Variants in CDH4 observed in about 807,000 individuals in gnomAD.
CDH4 encodes the protein cadherin 4, also known as cadherin-4.
Under a neutral mutation model 86.0 loss-of-function variants are expected in CDH4, and 33 were observed. The observed-to-expected ratio is 0.38, with a 90% CI of 0.29 to 0.51. The LOEUF (loss-of-function observed/expected upper bound fraction) is 0.51. Among genes scored for constraint, CDH4 ranks in the 20% least tolerant of loss-of-function variants. The probability of loss-of-function intolerance (pLI) is 0.86; values close to 1 mark genes in which losing one functional copy is unlikely to be tolerated. For missense variants in CDH4, 1,114 were observed against 1,307.4 expected, an observed-to-expected ratio of 0.85 and a Z score of 2.28; for synonymous variants, 555 against 549.4, an observed-to-expected ratio of 1.01 and a Z score of -0.14.
intron 7 of CDH4, 86 bp from the exon 8 acceptor site, chr20:61,894,824 G>A (rs1440786766): frequency 1.1e-5 from 16 of 1,447,210 alleles, no homozygotes; most frequent in East Asian, 2.3e-5. Flanking sequence ...CTCCGTTCCT[G>A]TAAACGGATT....
At chr20:61,886,732 C>T (rs376905508) in intron 7 of CDH4, among the ~76,000 whole-genome samples, 5 of 152,202 alleles carry the variant, frequency 3.3e-5, no homozygotes, top group Admixed American at 1.3e-4. Flanking sequence ...CACTCACCAG[C>T]CCCTGACCTC....
chr20:61,780,749 C>T (rs1978495875), intron 4 of CDH4, among the ~76,000 whole-genome samples: 3 of 152,190 alleles, frequency 2.0e-5, no homozygotes, highest in Admixed American at 2.0e-4. Flanking sequence ...CTGTTGGGGA[C>T]TCCACGCTCG....
intron 2 of CDH4, among the ~76,000 whole-genome samples, chr20:61,577,780 G>A (rs955783180): frequency 1.3e-5 from 2 of 152,144 alleles, no homozygotes; most frequent in Non-Finnish European, 2.9e-5. Flanking sequence ...GCCCTGGGCA[G>A]CCCCAGGAAA....
intron 4 of CDH4, among the ~76,000 whole-genome samples, chr20:61,837,365 C>G (rs1981928560): frequency 6.6e-6 from 1 of 152,198 alleles, no homozygotes; most frequent in Non-Finnish European, 1.5e-5. Context: ...CCCCTTCCAG[C>G]TTTCAGAGGC....
intron 2 of CDH4, among the ~76,000 whole-genome samples, chr20:61,322,936 G>C (rs2084516599): frequency 6.6e-6 from 1 of 152,124 alleles, no homozygotes; most frequent in African/African-American, 2.4e-5. Context: ...CTGTCAGGAG[G>C]TCTTGTTATC....
intron 2 of CDH4, among the ~76,000 whole-genome samples, chr20:61,299,553 A>G (rs1263767505): frequency 1.3e-5 from 2 of 152,160 alleles, no homozygotes; most frequent in African/African-American, 4.8e-5. Context: ...CTTCTTAGTA[A>G]CTCCCAGAAG....
At chr20:61,279,553 G>A (rs1157496158) in intron 2 of CDH4, among the ~76,000 whole-genome samples, 1 of 152,116 alleles carries the variant, frequency 6.6e-6, no homozygotes, top group Non-Finnish European at 1.5e-5. Context: ...CTGAGTGGGG[G>A]AAGGCTCCTG....
intron 4 of CDH4, among the ~76,000 whole-genome samples, chr20:61,814,457 T>C (rs1980611639): frequency 1.3e-5 from 2 of 152,090 alleles, no homozygotes; most frequent in African/African-American, 2.4e-5. Context: ...TCGACGACGA[T>C]CCCTGCAGAC....
rs558783060 is a variant in CDH4 at position 61,505,138 on chromosome 20, G to A, written c.170-238425G>A. Among the ~76,000 whole-genome samples the A allele has an allele frequency of 6.0e-4, 91 of 152,278 alleles. 1 individual carries two copies. Among genetic ancestry groups the A allele is most frequent in the African/African-American group, 2.0e-3 (83 of 41,558 alleles). ...ATGTCTGGGAAGGGAGGTGGGTGAC[G>A]CAAGCGAGGCTCATTGGGTGGATTT... is the stretch of plus-strand genomic sequence containing the variant. On this transcript the variant is annotated intron_variant, in intron 2 of 15. Coordinates refer to ENST00000614565, the MANE Select transcript of CDH4 (RefSeq NM_001794.5).
At chr20:61,559,183 T>C (rs986960615) in intron 2 of CDH4, among the ~76,000 whole-genome samples, 2 of 152,136 alleles carry the variant, frequency 1.3e-5, no homozygotes, top group African/African-American at 2.4e-5. Context: ...CTGGGTGTGG[T>C]GGCTTATGCT....
intron 2 of CDH4, among the ~76,000 whole-genome samples, chr20:61,503,819 T>C (rs2085721290): frequency 6.6e-6 from 1 of 152,236 alleles, no homozygotes; most frequent in South Asian, 2.1e-4. Flanking sequence ...GTCAAGCCTG[T>C]GGGTACAGTG....
intron 2 of CDH4, among the ~76,000 whole-genome samples, chr20:61,324,968 C>A (rs2084528966): frequency 6.6e-6 from 1 of 152,178 alleles, no homozygotes; most frequent in East Asian, 1.9e-4. Context: ...TTGCAGGAAG[C>A]ACTCACAGCC....
intron 2 of CDH4, among the ~76,000 whole-genome samples, chr20:61,674,980 A>G (rs1248576626): frequency 1.3e-5 from 2 of 152,234 alleles, no homozygotes; most frequent in African/African-American, 4.8e-5. Context: ...AATTAGAAAG[A>G]GACATTGTGG....
intron 4 of CDH4, among the ~76,000 whole-genome samples, chr20:61,836,373 G>A (rs535734039): frequency 1.3e-5 from 2 of 152,170 alleles, no homozygotes; most frequent in East Asian, 1.9e-4. Context: ...ATTCCCCACC[G>A]GGCAGATCTG....
At chr20:61,699,271 T>C (rs2087747680) in intron 2 of CDH4, among the ~76,000 whole-genome samples, 1 of 152,088 alleles carries the variant, frequency 6.6e-6, no homozygotes, top group Non-Finnish European at 1.5e-5. Flanking sequence ...CTGGCCAGCA[T>C]GCGGCCTGGC....
At chr20:61,359,553 A>G (rs951505257) in intron 2 of CDH4, among the ~76,000 whole-genome samples, 1 of 152,244 alleles carries the variant, frequency 6.6e-6, no homozygotes, top group Non-Finnish European at 1.5e-5. Flanking sequence ...GCTGTGTCCC[A>G]CAAAGTGATA....
chr20:61,386,775 C>G (rs2084953507), intron 2 of CDH4, among the ~76,000 whole-genome samples: 1 of 152,218 alleles, frequency 6.6e-6, no homozygotes, highest in Non-Finnish European at 1.5e-5. Flanking sequence ...CATTGCTGTC[C>G]TCGATATTTT....
intron 2 of CDH4, among the ~76,000 whole-genome samples, chr20:61,733,909 C>T (rs1600927198): frequency 6.6e-6 from 1 of 152,248 alleles, no homozygotes. Flanking sequence ...CATTCTCCTG[C>T]ATGCCCGTCT....
chr20:61,883,623 G>A (rs1984395510), intron 7 of CDH4, among the ~76,000 whole-genome samples: 1 of 152,230 alleles, frequency 6.6e-6, no homozygotes, highest in Non-Finnish European at 1.5e-5. Context: ...CCAGGCCACT[G>A]GAGAGCTCAG....
Sources: gnomAD v4.1 joint callset for allele counts (sites outside exome capture counted in the v4.1 genomes callset) on GRCh38, gnomAD v4.1.1 for gene constraint, MANE v1.5 for transcripts, NCBI Gene and HGNC (gene_info 2026-07-23, HGNC 2026-07-21) for gene names.